The following APOC1 variants were observed in gnomAD, a reference collection of about 807,000 sequenced individuals.
APOC1 encodes apolipoprotein C1, also known as apolipoprotein C-I.
Under a neutral mutation model 6.7 loss-of-function variants are expected in APOC1, and 4 were observed. The observed-to-expected ratio is 0.60, with a 90% confidence interval of 0.29 to 1.37. The LOEUF is 1.37. Ranked by LOEUF, APOC1 falls within the 40% of genes most tolerant of loss-of-function variation. The pLI is 0.09. For synonymous variants in APOC1, 33 were observed against 40.6 expected (o/e 0.81, Z 0.72); for missense variants, 122 against 99.4 (o/e 1.23, Z -0.97).
In APOC1 at chr19:44,914,854, C is replaced by T; in HGVS notation, c.-20-18C>T. The T allele has an allele frequency of 6.2e-7, 1 of 1,609,486 alleles. No individual in the cohort carries two copies. The highest frequency in any genetic ancestry group is 1.1e-5 in the South Asian group (1 of 90,874). On this transcript the variant is annotated intron_variant, in intron 1 of 3. Coordinates refer to ENST00000592535, the MANE Select transcript of APOC1 (RefSeq NM_001645.5). The stretch of plus-strand genomic sequence containing the variant: ...GGAGGGTGCCACTGATCCCCTGAAC[C>T]CCTGCCTCTGCCTCCAGAGTGCCCC...
At position 44,916,186 on chromosome 19, in the gene APOC1, GCAGGCCCAGCCCCAGCC is replaced by G; in HGVS notation, c.60_76del (p.Pro21AspfsTer10). ...TTTTGAACCCCTGCCCATCTTCCTG[GCAGGCCCAGCCCCAGCC>G]CAGGGGACCCCAGACGTCTCCAGTG... On this transcript the variant is annotated splice_acceptor_variant and splice_polypyrimidine_tract_variant and coding_sequence_variant and intron_variant, in exon 3 of 4. Coordinates refer to ENST00000592535, the MANE Select transcript of APOC1 (RefSeq NM_001645.5). LOFTEE classifies it high-confidence loss of function. 1 of 1,485,102 alleles carries G rather than the reference GCAGGCCCAGCCCCAGCC, an allele frequency of 6.7e-7. No homozygotes were observed. The highest frequency in any genetic ancestry group is 9.0e-7 in the Non-Finnish European group (1 of 1,107,844). The allele number at this position is 1,485,102 out of a possible 1,614,324, so 92.0% of individuals were successfully genotyped here. A position where few individuals can be genotyped will look rare whatever the true frequency, so the allele number is the denominator to read the frequency against.
At chr19:44,915,289 A>G (rs1181338395) in intron 2 of APOC1, 3 of 287,552 alleles carry the variant, frequency 1.0e-5, no homozygotes, top group Non-Finnish European at 2.0e-5. Context: ...GAGCCCCACC[A>G]GGTCACTCCA....
At position 44,916,406 on chromosome 19, in the gene APOC1, T is replaced by C. The variant is rs1000660483; in HGVS notation, c.194+81T>C. ...TGGCAGATGGTCCAAGATGAACAGATTGAAAAAAAAACAAGTCCTGGAGAG... is the reference window on the plus strand; with the variant it reads ...TGGCAGATGGTCCAAGATGAACAGACTGAAAAAAAAACAAGTCCTGGAGAG... On this transcript the variant is annotated intron_variant, in intron 3 of 3. Transcript: ENST00000592535. 7.0e-6 allele frequency: 11 copies of C among 1,569,112 alleles called. No homozygotes were observed. In the African/African-American group the frequency reaches 1.1e-4, roughly 16 times the overall value.
intron 1 of APOC1, 34 bp from the exon 2 acceptor site, chr19:44,914,838 C>A: frequency 6.4e-7 from 1 of 1,570,228 alleles, no homozygotes; most frequent in Non-Finnish European, 8.7e-7. Context: ...AGGAGGGTGC[C>A]ACTGATCCCC....
intron 3 of APOC1, 151 bp downstream of exon 3, chr19:44,916,476 C>CAG: frequency 1.9e-6 from 2 of 1,043,206 alleles, no homozygotes; most frequent in Non-Finnish European, 2.8e-6. Context: ...TCAAGGTGCT[C>CAG]AGACTTCAAG....
Position 44,919,318 on chromosome 19 carries a change from G to C in APOC1, c.*88G>C. 3 of 1,168,544 alleles carry C rather than the reference G, an allele frequency of 2.6e-6. No homozygotes were observed. The highest frequency in any genetic ancestry group is 2.3e-5 in the East Asian group (1 of 42,628). The allele number at this position is 1,168,544 out of a possible 1,614,324, so 72.4% of individuals were successfully genotyped here. A position where few individuals can be genotyped will look rare whatever the true frequency, so the allele number is the denominator to read the frequency against. On this transcript the variant is annotated 3_prime_UTR_variant, in exon 4 of 4. Transcript: ENST00000592535. ...TGAGGACTCCCTCCATGTGGCCCCA[G>C]GTGCCACCAATAAAAATCCTACAGA... is the stretch of plus-strand genomic sequence containing the variant.
chr19:44,916,445 C>A (rs749383839), intron 3 of APOC1, 120 bp downstream of exon 3: 9 of 1,317,078 alleles, frequency 6.8e-6, no homozygotes, highest in Non-Finnish European at 9.4e-6. Context: ...GACAACATCC[C>A]TCTGGTCACA....
Position 44,914,898 on chromosome 19 carries a change from CT to C in APOC1, c.8del (p.Leu3ProfsTer35), listed in dbSNP as rs1969975814. 6.2e-7 allele frequency: 1 copy of C among 1,613,688 alleles called. No homozygotes were observed. The highest frequency in any genetic ancestry group is 1.3e-5 in the African/African-American group (1 of 74,922). ...GTGCCCCTCCGGCCTCGCCATGAGG[CT>C]CTTCCTGTCGCTCCCGGTCCTGGTG... MR[L>X]FLSLPVLVVV... is the part of the protein sequence containing the mutation. On this transcript the variant is annotated frameshift_variant, in exon 2 of 4. Coordinates refer to ENST00000592535, the MANE Select transcript of APOC1 (RefSeq NM_001645.5). LOFTEE classifies it high-confidence loss of function.
At chr19:44,915,267 T>C in intron 2 of APOC1, 1 of 355,330 alleles carries the variant, frequency 2.8e-6, no homozygotes. Context: ...GTAAGGCAAT[T>C]CCCAGCAGCT....
Position 44,916,241 on chromosome 19 carries a change from T to G in APOC1, c.110T>G (p.Leu37Arg), listed in dbSNP as rs930127140. Residue 37 changes from leucine (L) to arginine (R), a missense_variant, in exon 3 of 4, where the codon CTG becomes CGG. Transcript: ENST00000592535. ...GACGTCTCCAGTGCCTTGGATAAGC[T>G]GAAGGAGTTTGGAAACACACTGGAG... ...TPDVSSALDK[L>R]KEFGNTLEDK... The G allele has an allele frequency of 2.5e-6, 4 of 1,611,934 alleles. No homozygotes were observed. The highest frequency in any genetic ancestry group is 2.5e-6 in the Non-Finnish European group (3 of 1,179,570).
intron 3 of APOC1, 172 bp downstream of exon 3, chr19:44,916,497 C>G: frequency 1.2e-6 from 1 of 845,054 alleles, no homozygotes; most frequent in Non-Finnish European, 1.8e-6. Flanking sequence ...GACAGTTTCC[C>G]TGACTCCCAT....
chr19:44,917,314 G>A lies in APOC1; in HGVS notation c.194+989G>A, dbSNP rs558797538. 5.3e-5 allele frequency among the ~76,000 whole-genome samples: 8 copies of A among 151,828 alleles called. No individual in the cohort carries two copies. In the South Asian group the frequency reaches 1.0e-3, roughly 20 times the overall value. The stretch of plus-strand genomic sequence containing the variant: ...TGTGGGGAATAAAACAGTGAAGAAC[G>A]TGCCGAGCACGGTGGCTCACACCTG... On this transcript the variant is annotated intron_variant, in intron 3 of 3. Transcript: ENST00000592535.
chr19:44,916,157 C>G (rs369972573), intron 2 of APOC1, 33 bp from the exon 3 acceptor site: 4 of 743,886 alleles, frequency 5.4e-6, no homozygotes, highest in Non-Finnish European at 7.3e-6. Context: ...AAAAAAAAAA[C>G]AAATTTTGAA....
rs1320430316 is a variant in APOC1, at chr19:44,914,870, A to G, written c.-20-2A>G. Reference sequence around the variant, plus strand: ...CCCCTGAACCCCTGCCTCTGCCTCCAGAGTGCCCCTCCGGCCTCGCCATGA... The same window carrying G: ...CCCCTGAACCCCTGCCTCTGCCTCCGGAGTGCCCCTCCGGCCTCGCCATGA... On this transcript the variant is annotated splice_acceptor_variant, in intron 1 of 3. Transcript: ENST00000592535. LOFTEE classifies it low-confidence loss of function (5UTR_SPLICE). The G allele has an allele frequency of 1.9e-6, 3 of 1,613,480 alleles. No individual in the cohort carries two copies. The highest frequency in any genetic ancestry group is 2.5e-6 in the Non-Finnish European group (3 of 1,179,832).
At position 44,914,697 on chromosome 19, in the gene APOC1, C is replaced by G. The variant is rs1969971926; in HGVS notation, c.-57C>G. ...CCTGATAAAGGTCCTGCGGGCAGGA[C>G]AGGACCTCCCAACCAAGCCCTCCAG... On this transcript the variant is annotated 5_prime_UTR_variant, in exon 1 of 4. Coordinates refer to ENST00000592535, the MANE Select transcript of APOC1 (RefSeq NM_001645.5). 1 of 597,618 alleles carries G rather than the reference C, an allele frequency of 1.7e-6. No homozygotes were observed. The highest frequency in any genetic ancestry group is 3.0e-6 in the Non-Finnish European group (1 of 333,100). 37.0% of individuals were successfully genotyped at this position (597,618 alleles called of 1,614,324 possible). A position where few individuals can be genotyped will look rare whatever the true frequency, so the allele number is the denominator to read the frequency against.
chr19:44,918,589 G>A (rs1350951239), intron 3 of APOC1, among the ~76,000 whole-genome samples: 2 of 151,944 alleles, frequency 1.3e-5, no homozygotes, highest in Non-Finnish European at 2.9e-5. Flanking sequence ...TTCTTAGCCA[G>A]CATGGTCTCG....
intron 3 of APOC1, among the ~76,000 whole-genome samples, chr19:44,917,987 A>C (rs974145398): frequency 2.5e-4 from 37 of 150,926 alleles, no homozygotes; most frequent in Admixed American, 1.1e-3. Context: ...AAAGAAAAAA[A>C]ACTCCTGGCG....
intron 2 of APOC1, chr19:44,915,227 G>C (rs1969983004): frequency 3.8e-6 from 2 of 521,658 alleles, no homozygotes; most frequent in South Asian, 4.3e-5. Flanking sequence ...GGTAAGCTGG[G>C]TGGGGGGCTC....
chr19:44,916,601 T>G (rs1270877269), intron 3 of APOC1: 1 of 532,460 alleles, frequency 1.9e-6, no homozygotes, highest in Non-Finnish European at 3.3e-6. Context: ...GCTGATTGCC[T>G]GAGGTCAGGA....
Sources: gnomAD v4.1 joint callset for allele counts (sites outside exome capture counted in the v4.1 genomes callset) on GRCh38, gnomAD v4.1.1 for gene constraint, MANE v1.5 for transcripts, NCBI Gene and HGNC (gene_info 2026-07-23, HGNC 2026-07-21) for gene names.